The following CDKL1 variants were observed in gnomAD, a reference collection of about 807,000 sequenced individuals.
The protein encoded by CDKL1 is cyclin dependent kinase like 1.
CDKL1 carries 41 observed loss-of-function variants against 42.0 expected under a neutral mutation model. The observed-to-expected ratio is 0.98, with a 90% confidence interval of 0.76 to 1.27. The LOEUF is 1.27. Ranked by LOEUF, CDKL1 falls within the 50% of genes most tolerant of loss-of-function variation. The pLI is 0.00. For synonymous variants in CDKL1, 153 were observed against 158.6 expected (o/e 0.96, Z 0.26); for missense variants, 394 against 428.4 (o/e 0.92, Z 0.71).
chr14:50,346,163 C>T (rs2033716076), intron 3 of CDKL1, among the ~76,000 whole-genome samples: 1 of 152,018 alleles, frequency 6.6e-6, no homozygotes, highest in African/African-American at 2.4e-5. Context: ...GGCTACAAGG[C>T]CACTGTTGTC....
intron 4 of CDKL1, among the ~76,000 whole-genome samples, chr14:50,344,169 T>C (rs1199304659): frequency 3.9e-5 from 6 of 152,216 alleles, no homozygotes; most frequent in Admixed American, 6.5e-5. Context: ...TAGTCTACTA[T>C]GCCTCTACCA....
At chr14:50,380,577 A>G (rs2139514464) in intron 2 of CDKL1, among the ~76,000 whole-genome samples, 1 of 152,350 alleles carries the variant, frequency 6.6e-6, no homozygotes. Flanking sequence ...CTGTCACCAT[A>G]TAATCCACAA....
Position 50,338,988 on chromosome 14 carries a change from G to C in CDKL1, c.697C>G (p.Gln233Glu), listed in dbSNP as rs751381790. 1 of 1,613,158 alleles carries C rather than the reference G, an allele frequency of 6.2e-7. No individual in the cohort carries two copies. Among genetic ancestry groups the C allele is most frequent in the Non-Finnish European group, 8.5e-7 (1 of 1,179,120 alleles). ...PRHQQVFSTN[Q>E]YFSGVKIPDP... The stretch of plus-strand genomic sequence containing the variant: ...GGAATTTTCACTCCACTGAAGTACT[G>C]ATTCGTGCTAAACACTTGCTGGTGC... The change falls in exon 7 of 10, where the codon CAG (glutamine) becomes GAG (glutamate). Residue 233 changes from glutamine (Q) to glutamate (E), a missense_variant. Physicochemically the swap from Gln to Glu is conservative, Grantham distance 29. Transcript: ENST00000395834.
intron 7 of CDKL1, chr14:50,335,365 GT>G (rs988835954): frequency 5.2e-6 from 3 of 573,692 alleles, no homozygotes; most frequent in African/African-American, 4.0e-5. Flanking sequence ...CAAAATAGAT[GT>G]TTTTCCCCTA....
At chr14:50,392,821 C>T (rs1392388818) in intron 2 of CDKL1, among the ~76,000 whole-genome samples, 2 of 152,186 alleles carry the variant, frequency 1.3e-5, no homozygotes, top group African/African-American at 4.8e-5. Flanking sequence ...CTTTCCCCCA[C>T]ATTTGCACCT....
intron 6 of CDKL1, among the ~76,000 whole-genome samples, chr14:50,339,828 A>C (rs1358792547): frequency 2.0e-5 from 3 of 152,176 alleles, no homozygotes; most frequent in African/African-American, 7.2e-5. Flanking sequence ...GATTTTGTTC[A>C]GAGAATATAG....
In CDKL1 at chr14:50,327,888, T is replaced by C. The variant is rs1234777342; in HGVS notation, c.*2186A>G. The stretch of plus-strand genomic sequence containing the variant: ...GCTTATACAAATAACACAGTATAAA[T>C]GGTAATTGCCACTGTCATTTTAAAA... On this transcript the variant is annotated 3_prime_UTR_variant, in exon 10 of 10. Coordinates refer to ENST00000395834, the MANE Select transcript of CDKL1 (RefSeq NM_004196.7). 6.6e-6 allele frequency: 1 copy of C among 152,180 alleles called. No homozygotes were observed. Among genetic ancestry groups the C allele is most frequent in the African/African-American group, 2.4e-5 (1 of 41,430 alleles). The allele number at this position is 152,180 out of a possible 1,614,324, so 9.4% of individuals were successfully genotyped here. A position where few individuals can be genotyped will look rare whatever the true frequency, so the allele number is the denominator to read the frequency against.
Position 50,341,141 on chromosome 14 carries a change from C to CG in CDKL1, c.545dup (p.Val183GlyfsTer12), listed in dbSNP as rs766143608. 1.5e-5 allele frequency: 25 copies of CG among 1,614,060 alleles called. No homozygotes were observed. Among genetic ancestry groups the CG allele is most frequent in the African/African-American group, 8.0e-5 (6 of 74,910 alleles). The stretch of plus-strand genomic sequence containing the variant: ...CACAGCCAATTGCCCAAACATCCAC[C>CG]GGGGGGCCGTACTGCGTGTCCCCCA... On this transcript the variant is annotated frameshift_variant, in exon 6 of 10. Transcript: ENST00000395834. LOFTEE classifies it high-confidence loss of function.
chr14:50,344,207 C>T (rs2033650133), intron 4 of CDKL1, among the ~76,000 whole-genome samples: 1 of 152,178 alleles, frequency 6.6e-6, no homozygotes, highest in Non-Finnish European at 1.5e-5. Flanking sequence ...GTGTCACAGG[C>T]TTTCGATAGG....
intron 2 of CDKL1, among the ~76,000 whole-genome samples, chr14:50,386,715 A>T (rs1185114120): frequency 6.6e-6 from 1 of 151,750 alleles, no homozygotes; most frequent in Non-Finnish European, 1.5e-5. Flanking sequence ...GCTTGAGCAC[A>T]GGAGTTTGAG....
intron 2 of CDKL1, chr14:50,376,525 G>T (rs1226066728): frequency 3.5e-6 from 1 of 287,592 alleles, no homozygotes; most frequent in African/African-American, 2.2e-5. Context: ...TATTATGCAG[G>T]TATTAAGAAA....
upstream of CDKL1, chr14:50,397,096 A>G (rs1410208526): frequency 2.2e-6 from 3 of 1,358,090 alleles, no homozygotes; most frequent in Non-Finnish European, 2.0e-6. Context: ...CAGACCTGCT[A>G]GATTTGCAAA....
chr14:50,371,552 G>C (rs2034589931), intron 2 of CDKL1, among the ~76,000 whole-genome samples: 1 of 152,208 alleles, frequency 6.6e-6, no homozygotes, highest in African/African-American at 2.4e-5. Context: ...TCAGATCCCA[G>C]GCTTATTTTT....
In CDKL1 at chr14:50,395,869, C is replaced by A; in HGVS notation, c.-1G>T. ...TCCCAATTTTTTCATACTTCTCCAT[C>A]ATAGAGGAATAAATCTTCTTAAAAT... On this transcript the variant is annotated 5_prime_UTR_variant, in exon 2 of 10. An upstream start codon of the reference 5' UTR is lost. Transcript: ENST00000395834. The A allele has an allele frequency of 6.2e-7, 1 of 1,611,880 alleles. No homozygotes were observed. The highest frequency in any genetic ancestry group is 2.2e-5 in the East Asian group (1 of 44,850).
intron 4 of CDKL1, among the ~76,000 whole-genome samples, chr14:50,344,257 C>G (rs1439778908): frequency 6.6e-6 from 1 of 152,146 alleles, no homozygotes; most frequent in Non-Finnish European, 1.5e-5. Flanking sequence ...CTCACCAAAG[C>G]AGACACTGGC....
intron 2 of CDKL1, among the ~76,000 whole-genome samples, chr14:50,359,728 G>A (rs757617216): frequency 2.0e-5 from 3 of 149,354 alleles, no homozygotes; most frequent in African/African-American, 5.0e-5. Context: ...GCACCAGGCC[G>A]TGTACATAAC....
intron 4 of CDKL1, chr14:50,343,141 CTAAT>C (rs1437104792): frequency 4.8e-6 from 3 of 626,592 alleles, no homozygotes; most frequent in Non-Finnish European, 6.8e-6. Flanking sequence ...AATCAACAAC[CTAAT>C]TAAGAGTTAC....
intron 2 of CDKL1, among the ~76,000 whole-genome samples, chr14:50,382,367 C>T (rs2034936787): frequency 1.3e-5 from 2 of 152,222 alleles, no homozygotes; most frequent in African/African-American, 4.8e-5. Context: ...GTAGGAATTG[C>T]GTGAACCCGG....
intron 2 of CDKL1, among the ~76,000 whole-genome samples, chr14:50,373,121 TG>T (rs2034634453): frequency 6.6e-6 from 1 of 152,162 alleles, no homozygotes; most frequent in African/African-American, 2.4e-5. Flanking sequence ...TAGATTGCTT[TG>T]GGTAGTATGG....
Sources: allele counts gnomAD v4.1 joint callset (sites outside exome capture counted in the v4.1 genomes callset), GRCh38; gene constraint gnomAD v4.1.1; transcripts MANE v1.5; gene names NCBI Gene and HGNC (gene_info 2026-07-23, HGNC 2026-07-21).